Variants in PLAG1 observed in about 807,000 individuals in gnomAD.
PLAG1 encodes the protein PLAG1 zinc finger.
In PLAG1, 7 loss-of-function variants were observed where a neutral mutation model predicts 35.5. The ratio of observed to expected loss-of-function variants is 0.20; its 90% CI spans 0.11 to 0.37. The LOEUF (loss-of-function observed/expected upper bound fraction) is 0.37, where lower values mean the gene tolerates loss of function less well. Among genes scored for constraint, PLAG1 ranks in the 10% least tolerant of loss-of-function variants. The probability of loss-of-function intolerance (pLI) is 1.00; values close to 1 mark genes in which losing one functional copy is unlikely to be tolerated. For synonymous variants in PLAG1, 229 were observed against 225.4 expected (o/e 1.02, Z -0.14); for missense variants, 454 against 602.8 (o/e 0.75, Z 2.58).
At chr8:56,193,524 A>G (rs1812250415) in intron 1 of PLAG1, among the ~76,000 whole-genome samples, 1 of 152,126 alleles carries the variant, frequency 6.6e-6, no homozygotes, top group Non-Finnish European at 1.5e-5. Flanking sequence ...TCTCCAACCT[A>G]AGGAATGCAC....
intron 1 of PLAG1, chr8:56,209,370 C>T (rs1812783173): frequency 1.3e-5 from 2 of 152,202 alleles, no homozygotes; most frequent in South Asian, 4.1e-4. Flanking sequence ...GCTGTTTATC[C>T]CTCCTGTCCC....
intron 3 of PLAG1, among the ~76,000 whole-genome samples, chr8:56,168,850 G>A (rs1162574016): frequency 2.0e-5 from 3 of 152,158 alleles, no homozygotes; most frequent in African/African-American, 2.4e-5. Flanking sequence ...ATAAGCAACT[G>A]AAAACTCTTT....
chr8:56,196,537 C>T (rs1327618659), intron 1 of PLAG1, among the ~76,000 whole-genome samples: 1 of 152,084 alleles, frequency 6.6e-6, no homozygotes, highest in Non-Finnish European at 1.5e-5. Flanking sequence ...GCCATTCAGA[C>T]CTGGCTCTAT....
intron 1 of PLAG1, among the ~76,000 whole-genome samples, chr8:56,202,338 G>C (rs1342583800): frequency 6.6e-6 from 1 of 152,160 alleles, no homozygotes; most frequent in Non-Finnish European, 1.5e-5. Flanking sequence ...GTTATTGCTT[G>C]ATTTTAAAAA....
At position 56,163,073 on chromosome 8, in the gene PLAG1, A is replaced by T. The variant is rs1375565885; in HGVS notation, c.*3170T>A. On this transcript the variant is annotated 3_prime_UTR_variant, in exon 5 of 5. Transcript: ENST00000316981. ...TACATCAATGGATAGCATTGCTTAC[A>T]GTGCCAAGATCCTTCCACACTCACA... The T allele has an allele frequency of 4.7e-6, 1 of 212,314 alleles. No homozygotes were observed. Among genetic ancestry groups the T allele is most frequent in the Non-Finnish European group, 9.6e-6 (1 of 104,406 alleles). 13.2% of individuals were successfully genotyped at this position (212,314 alleles called of 1,614,324 possible). A position where few individuals can be genotyped will look rare whatever the true frequency, so the allele number is the denominator to read the frequency against.
At chr8:56,183,420 A>G (rs1811929265) in intron 1 of PLAG1, among the ~76,000 whole-genome samples, 2 of 152,348 alleles carry the variant, frequency 1.3e-5, no homozygotes, top group East Asian at 3.9e-4. Context: ...GCAGTTAAAG[A>G]ATATTAAATC....
intron 1 of PLAG1, among the ~76,000 whole-genome samples, chr8:56,201,381 A>G (rs1193183893): frequency 1.3e-5 from 2 of 152,216 alleles, no homozygotes; most frequent in African/African-American, 4.8e-5. Flanking sequence ...AAAATTACCT[A>G]TTTAAGATCC....
chr8:56,200,930 TTTTC>T (rs1463241660), intron 1 of PLAG1, among the ~76,000 whole-genome samples: 1 of 152,176 alleles, frequency 6.6e-6, no homozygotes, highest in Admixed American at 6.5e-5. Flanking sequence ...TTTAAAAAAT[TTTTC>T]TTTTTCGCCC....
At chr8:56,199,267 A>C (rs955218808) in intron 1 of PLAG1, among the ~76,000 whole-genome samples, 1 of 152,234 alleles carries the variant, frequency 6.6e-6, no homozygotes, top group Admixed American at 6.5e-5. Flanking sequence ...GAGATGCAGG[A>C]GTTTGCCAAA....
rs1317267376 is a variant in PLAG1, at chr8:56,165,505, T to A, written c.*738A>T. 1 of 209,570 alleles carries A rather than the reference T, an allele frequency of 4.8e-6. No homozygotes were observed. Among genetic ancestry groups the A allele is most frequent in the African/African-American group, 2.3e-5 (1 of 44,016 alleles). The allele number at this position is 209,570 out of a possible 1,614,324, so 13.0% of individuals were successfully genotyped here. A position where few individuals can be genotyped will look rare whatever the true frequency, so the allele number is the denominator to read the frequency against. On this transcript the variant is annotated 3_prime_UTR_variant, in exon 5 of 5. Transcript: ENST00000316981. ...TGAAAAGATAGCATGTTAAGAAGGA[T>A]GAAACACGACAAAATATCCTGTGTA...
At chr8:56,180,344 T>C (rs1322828928) in intron 1 of PLAG1, among the ~76,000 whole-genome samples, 2 of 152,222 alleles carry the variant, frequency 1.3e-5, no homozygotes, top group Admixed American at 1.3e-4. Context: ...CCAACACCTA[T>C]TATGTATGGT....
chr8:56,210,428 C>A (rs1196130332), intron 1 of PLAG1, among the ~76,000 whole-genome samples: 1 of 150,400 alleles, frequency 6.6e-6, no homozygotes, highest in African/African-American at 2.5e-5. Context: ...CAGCCACACA[C>A]CCCGGGCTCA....
chr8:56,174,927 G>A (rs1284310160), intron 2 of PLAG1, among the ~76,000 whole-genome samples: 1 of 152,152 alleles, frequency 6.6e-6, no homozygotes, highest in African/African-American at 2.4e-5. Context: ...TAGGTTACAT[G>A]CAAATACTAT....
At position 56,171,290 on chromosome 8, in the gene PLAG1, T is replaced by A. The variant is rs188882433; in HGVS notation, c.-216-101A>T. The A allele has an allele frequency of 3.1e-5, 5 of 161,024 alleles. No individual in the cohort carries two copies. In the Admixed American group the frequency reaches 3.3e-4, roughly 11 times the overall value. 10.0% of individuals were successfully genotyped at this position (161,024 alleles called of 1,614,324 possible). On this transcript the variant is annotated intron_variant, in intron 2 of 4. Coordinates refer to ENST00000316981, the MANE Select transcript of PLAG1 (RefSeq NM_002655.3). ...GAATTGCAGTTTCATGGCACATGCTTACATTCCATACTCTGCTTACGAGTC... is the reference window on the plus strand; with the variant it reads ...GAATTGCAGTTTCATGGCACATGCTAACATTCCATACTCTGCTTACGAGTC...
intron 2 of PLAG1, among the ~76,000 whole-genome samples, chr8:56,174,986 G>C (rs62515408): frequency 0.086 from 13,049 of 152,108 alleles, 768 homozygotes; most frequent in Non-Finnish European, 0.14. Flanking sequence ...GGTATCCCAG[G>C]GAAGTCCTGA....
At chr8:56,169,130 C>T (rs771161281) in intron 3 of PLAG1, among the ~76,000 whole-genome samples, 2 of 152,148 alleles carry the variant, frequency 1.3e-5, no homozygotes, top group Non-Finnish European at 1.5e-5. Context: ...TTTTCCTCAT[C>T]GTTTTTCACA....
At chr8:56,192,132 C>T (rs745368101) in intron 1 of PLAG1, among the ~76,000 whole-genome samples, 38 of 152,108 alleles carry the variant, frequency 2.5e-4, no homozygotes, top group Non-Finnish European at 4.7e-4. Context: ...GGCTGTGGCC[C>T]ATGGTGGGGA....
chr8:56,180,099 C>T (rs1323700643), intron 1 of PLAG1, among the ~76,000 whole-genome samples: 9 of 152,170 alleles, frequency 5.9e-5, no homozygotes, highest in African/African-American at 9.7e-5. Flanking sequence ...CCATCCTCAA[C>T]GACATACAAA....
chr8:56,169,492 CTCCTCAAAGTTCCAAT>C (rs988152105), intron 3 of PLAG1, among the ~76,000 whole-genome samples: 1 of 152,138 alleles, frequency 6.6e-6, no homozygotes, highest in African/African-American at 2.4e-5. Context: ...AGAAAACCAA[CTCCTCAAAGTTCCAAT>C]TCCTCAACGT....
Sources: allele counts gnomAD v4.1 joint callset (sites outside exome capture counted in the v4.1 genomes callset), GRCh38; gene constraint gnomAD v4.1.1; transcripts MANE v1.5; gene names NCBI Gene and HGNC (gene_info 2026-07-23, HGNC 2026-07-21).